The following ABCB4 variants were observed in gnomAD, a reference collection of about 807,000 sequenced individuals.
ABCB4 encodes the protein phosphatidylcholine translocator ABCB4.
ABCB4 carries 76 observed loss-of-function variants against 145.7 expected under a neutral mutation model. That is an observed-to-expected ratio of 0.52 (90% CI 0.43 to 0.63). The LOEUF (loss-of-function observed/expected upper bound fraction) is 0.63. ABCB4 is among the 30% of genes least tolerant of loss of function. The pLI, the probability that ABCB4 is intolerant of heterozygous loss-of-function variation, is 0.00. For missense variants in ABCB4, 1,234 were observed against 1,553.1 expected, an observed-to-expected ratio of 0.79 and a Z score of 3.45; for synonymous variants, 517 against 566.8, an observed-to-expected ratio of 0.91 and a Z score of 1.25.
intron 23 of ABCB4, among the ~76,000 whole-genome samples, chr7:87,411,666 G>A (rs1210468155): frequency 6.6e-6 from 1 of 152,106 alleles, no homozygotes; most frequent in Admixed American, 6.6e-5. Flanking sequence ...CTAAAACTGT[G>A]CTTTCTGATC....
the ABCB4 span, among the ~76,000 whole-genome samples, chr7:87,394,732 C>CTCTA: frequency 6.6e-6 from 1 of 152,010 alleles, no homozygotes; most frequent in Non-Finnish European, 1.5e-5. Flanking sequence ...TACCTATAGA[C>CTCTA]TCTACTATGA....
intron 4 of ABCB4, 136 bp from the exon 5 acceptor site, chr7:87,454,728 A>C: frequency 1.4e-6 from 1 of 709,578 alleles, no homozygotes; most frequent in Admixed American, 2.7e-5. Flanking sequence ...TTTAAAAAAC[A>C]CTTTTCTTTG....
rs45536638 is a variant in ABCB4, at chr7:87,404,190, G to T, written c.3487-909C>A. The stretch of plus-strand genomic sequence containing the variant: ...AAGGGTTTTAAAATTTTATTTGTGG[G>T]TGTGAGTGATTTCTAACTATAGCAG... On this transcript the variant is annotated intron_variant, in intron 26 of 27. Transcript: ENST00000649586. Among the ~76,000 whole-genome samples, 1,172 of 152,286 alleles carry T rather than the reference G, an allele frequency of 7.7e-3. 18 individuals are homozygous for T. Among genetic ancestry groups the T allele is most frequent in the African/African-American group, 0.026 (1,095 of 41,540 alleles).
intron 18 of ABCB4, among the ~76,000 whole-genome samples, chr7:87,421,360 G>A (rs529199896): frequency 6.6e-6 from 1 of 152,230 alleles, no homozygotes; most frequent in African/African-American, 2.4e-5. Context: ...CAGGTTCTAT[G>A]CATCAGCCCA....
chr7:87,402,983 G>A (rs375647113), intron 27 of ABCB4, 152 bp downstream of exon 27: 10 of 847,674 alleles, frequency 1.2e-5, no homozygotes, highest in East Asian at 2.7e-5. Context: ...AGGCAACAAC[G>A]AGACCCCGTC....
chr7:87,382,331 T>C, the ABCB4 span: 1 of 1,477,752 alleles, frequency 6.8e-7, no homozygotes, highest in African/African-American at 1.4e-5. Flanking sequence ...GTGATTACTT[T>C]AATGCAGGTG....
At chr7:87,439,470 C>T (rs748161028) in intron 14 of ABCB4, among the ~76,000 whole-genome samples, 197 bp downstream of exon 14, 41 of 152,154 alleles carry the variant, frequency 2.7e-4, no homozygotes, top group Non-Finnish European at 5.3e-4. Context: ...CTCACTGCAC[C>T]ATGGTCAAAA....
intron 21 of ABCB4, among the ~76,000 whole-genome samples, chr7:87,414,409 T>C (rs1808830314): frequency 6.6e-6 from 1 of 152,210 alleles, no homozygotes; most frequent in African/African-American, 2.4e-5. Context: ...ATAGGAAGAC[T>C]CAGATATTAG....
chr7:87,427,603 TTAAGA>T (rs1274717110), intron 15 of ABCB4, among the ~76,000 whole-genome samples: 36 of 131,618 alleles, frequency 2.7e-4, no homozygotes, highest in African/African-American at 9.8e-4. Context: ...TCCTCCACTA[TTAAGA>T]TGTGTCCAAC....
At chr7:87,379,913 C>G in the ABCB4 span, among the ~76,000 whole-genome samples, 1 of 152,044 alleles carries the variant, frequency 6.6e-6, no homozygotes, top group Non-Finnish European at 1.5e-5. Context: ...CAGTTCAGCA[C>G]CAGCTTGGGC....
intron 17 of ABCB4, among the ~76,000 whole-genome samples, chr7:87,423,412 C>T (rs1438153715): frequency 6.6e-6 from 1 of 152,144 alleles, no homozygotes; most frequent in African/African-American, 2.4e-5. Context: ...CAGATAGTTA[C>T]CTATATAATC....
At chr7:87,400,294 T>C (rs116812325), downstream of ABCB4, among the ~76,000 whole-genome samples, 1,529 of 152,324 alleles carry the variant, frequency 0.01, 24 homozygotes, top group African/African-American at 0.034. Flanking sequence ...ATGGGTACTA[T>C]AGCAATCTGC....
downstream of ABCB4, among the ~76,000 whole-genome samples, chr7:87,400,343 G>A (rs914768225): frequency 6.6e-6 from 1 of 152,204 alleles, no homozygotes; most frequent in Non-Finnish European, 1.5e-5. Flanking sequence ...ATCATACTCA[G>A]GGTACTGATT....
chr7:87,452,937 T>C lies in ABCB4; in HGVS notation c.536+7A>G, dbSNP rs1430505775. On this transcript the variant is annotated splice_region_variant and intron_variant, in intron 6 of 27. Coordinates refer to ENST00000649586, the MANE Select transcript of ABCB4 (RefSeq NM_000443.4). ...ATATGAAAGTGTGACATTAACAATG[T>C]ACCTACTCTGTTAGCCGCGTATTGA... 3.7e-6 allele frequency: 6 copies of C among 1,613,028 alleles called. No homozygotes were observed. Among genetic ancestry groups the C allele is most frequent in the South Asian group, 1.1e-5 (1 of 91,064 alleles).
chr7:87,394,555 T>TAA, the ABCB4 span, among the ~76,000 whole-genome samples: 16,233 of 148,540 alleles, frequency 0.11, 1,071 homozygotes, highest in African/African-American at 0.19. Flanking sequence ...AAGTACTATT[T>TAA]AAAAAAAAAA....
chr7:87,403,357 C>T (rs1584665763), intron 26 of ABCB4, 76 bp from the exon 27 acceptor site: 1 of 1,344,012 alleles, frequency 7.4e-7, no homozygotes, highest in Non-Finnish European at 1.1e-6. Flanking sequence ...ACAAGAAAAA[C>T]ATTTAGAGTC....
rs544727349 is a variant in ABCB4, at chr7:87,447,160, T to C, written c.879A>G (p.Lys293=). The C allele has an allele frequency of 6.8e-6, 11 of 1,613,962 alleles. No individual in the cohort carries two copies. The East Asian group carries it at 2.5e-4, about 36-fold the overall frequency. The change falls in exon 9 of 28, where the codon AAA becomes AAG. Residue 293 remains lysine (K), a synonymous_variant. Transcript: ENST00000649586. ...LENAKEIGIK[K]AISANISMGI... ...CCATGGAAATGTTTGCTGAAATAGC[T>C]TTTTTAATTCCAATCTCTTTGGCAT... is the stretch of plus-strand genomic sequence containing the variant.
chr7:87,417,225 A>T, intron 21 of ABCB4, 87 bp downstream of exon 21: 3 of 1,251,664 alleles, frequency 2.4e-6, no homozygotes, highest in Non-Finnish European at 3.5e-6. Flanking sequence ...TTTAATTATT[A>T]AAGCCTGCAT....
intron 3 of ABCB4, among the ~76,000 whole-genome samples, chr7:87,469,990 A>G (rs1813244213): frequency 6.6e-6 from 1 of 152,206 alleles, no homozygotes; most frequent in Admixed American, 6.5e-5. Flanking sequence ...TACAGTAACC[A>G]AAACAGCATG....
Sources: allele counts gnomAD v4.1 joint callset (sites outside exome capture counted in the v4.1 genomes callset), GRCh38; gene constraint gnomAD v4.1.1; transcripts MANE v1.5; gene names NCBI Gene and HGNC (gene_info 2026-07-23, HGNC 2026-07-21).